The following UNC13C variants were observed in gnomAD, a reference collection of about 807,000 sequenced individuals.
UNC13C encodes the protein unc-13 homolog C.
In UNC13C, 174 loss-of-function variants were observed where a neutral mutation model predicts 245.4. The observed-to-expected ratio is 0.71, with a 90% confidence interval of 0.63 to 0.80. The LOEUF is 0.80. Among genes scored for constraint, UNC13C ranks in the 30% least tolerant of loss-of-function variants. The pLI is 0.00. For synonymous variants in UNC13C, 992 were observed against 895.1 expected (o/e 1.11, Z -1.93); for missense variants, 2,829 against 2,602.9 (o/e 1.09, Z -1.89).
the UNC13C span, among the ~76,000 whole-genome samples, chr15:53,875,725 T>C: frequency 6.6e-6 from 1 of 152,216 alleles, no homozygotes; most frequent in Admixed American, 6.5e-5. Flanking sequence ...AATATAATTC[T>C]GCAATAGTTT....
chr15:53,972,032 T>G, the UNC13C span, among the ~76,000 whole-genome samples: 1 of 152,224 alleles, frequency 6.6e-6, no homozygotes, highest in Non-Finnish European at 1.5e-5. Context: ...TTGTCTTGAC[T>G]TCCTTTTCCT....
chr15:54,039,588 G>C (rs774371632), intron 2 of UNC13C, among the ~76,000 whole-genome samples: 9 of 151,480 alleles, frequency 5.9e-5, no homozygotes. Context: ...TCAGTTCTTG[G>C]ACTCTTTTTT....
At chr15:54,367,449 T>G (rs2039389551) in intron 17 of UNC13C, among the ~76,000 whole-genome samples, 3 of 152,184 alleles carry the variant, frequency 2.0e-5, no homozygotes, top group Non-Finnish European at 4.4e-5. Flanking sequence ...GTTACTGTTA[T>G]TTTTTGCAAG....
intron 2 of UNC13C, among the ~76,000 whole-genome samples, chr15:54,075,162 G>C (rs959683719): frequency 2.6e-5 from 4 of 152,134 alleles, no homozygotes; most frequent in Non-Finnish European, 4.4e-5. Context: ...TTCAGTTGGT[G>C]CCAATGTAAT....
intron 4 of UNC13C, among the ~76,000 whole-genome samples, chr15:54,184,691 A>C (rs546586738): frequency 1.3e-5 from 2 of 152,244 alleles, no homozygotes; most frequent in East Asian, 3.9e-4. Flanking sequence ...GGTTGGTTCC[A>C]AGTCTTTGCT....
At chr15:53,889,802 T>G in the UNC13C span, among the ~76,000 whole-genome samples, 15 of 152,218 alleles carry the variant, frequency 9.9e-5, no homozygotes, top group Non-Finnish European at 1.9e-4. Context: ...CTGCATCTAT[T>G]GAGATAATCA....
At chr15:54,577,736 T>C (rs1381416068) in intron 30 of UNC13C, among the ~76,000 whole-genome samples, 1 of 152,162 alleles carries the variant, frequency 6.6e-6, no homozygotes, top group Admixed American at 6.5e-5. Context: ...TCCCTTGTCA[T>C]TTCCCTAGAG....
chr15:54,155,427 T>A (rs932506431), intron 4 of UNC13C, among the ~76,000 whole-genome samples: 1 of 152,174 alleles, frequency 6.6e-6, no homozygotes, highest in African/African-American at 2.4e-5. Flanking sequence ...ATTCAAGGAA[T>A]GTGGAAATGA....
chr15:54,196,824 C>A (rs1230614891), intron 4 of UNC13C, among the ~76,000 whole-genome samples: 1 of 152,082 alleles, frequency 6.6e-6, no homozygotes, highest in Non-Finnish European at 1.5e-5. Context: ...AATATCTTAA[C>A]CCGATGAACT....
At chr15:54,141,782 TTACAA>T (rs1415671905) in intron 2 of UNC13C, among the ~76,000 whole-genome samples, 1 of 152,106 alleles carries the variant, frequency 6.6e-6, no homozygotes, top group Admixed American at 6.6e-5. Flanking sequence ...TTTTATTACT[TTACAA>T]TACATTTTAC....
the UNC13C span, among the ~76,000 whole-genome samples, chr15:53,939,642 A>G: frequency 6.6e-6 from 1 of 152,176 alleles, no homozygotes; most frequent in Admixed American, 6.5e-5. Flanking sequence ...ATCCACCACA[A>G]TCAAGTTGGC....
At position 54,290,957 on chromosome 15, in the gene UNC13C, A is replaced by G. The variant is rs560614718; in HGVS notation, c.3819-2938A>G. 3.9e-5 allele frequency among the ~76,000 whole-genome samples: 6 copies of G among 152,150 alleles called. No individual in the cohort carries two copies. In the East Asian group the frequency reaches 1.2e-3, roughly 29 times the overall value. ...AAAAGGGACATCTTTCTGCATTTGC[A>G]ATGTATTGAGAGTTAAGTTTAAGAT... On this transcript the variant is annotated intron_variant, in intron 10 of 32. Coordinates refer to ENST00000260323, the MANE Select transcript of UNC13C (RefSeq NM_001080534.3).
At chr15:54,374,771 A>G (rs1360003738) in intron 17 of UNC13C, among the ~76,000 whole-genome samples, 1 of 152,204 alleles carries the variant, frequency 6.6e-6, no homozygotes, top group Non-Finnish European at 1.5e-5. Flanking sequence ...TCTGTGGAGC[A>G]TGCAGTCCTG....
intron 10 of UNC13C, among the ~76,000 whole-genome samples, chr15:54,275,164 G>A (rs532507408): frequency 6.6e-6 from 1 of 152,192 alleles, no homozygotes; most frequent in East Asian, 1.9e-4. Context: ...AAAGCAACAT[G>A]CAAGCATATC....
the UNC13C span, among the ~76,000 whole-genome samples, chr15:53,962,410 CATT>C: frequency 2.0e-5 from 3 of 152,042 alleles, no homozygotes; most frequent in South Asian, 2.1e-4. Flanking sequence ...TATTCACTCT[CATT>C]ATACGGTTAT....
chr15:54,202,018 C>A lies in UNC13C; in HGVS notation c.3072-33012C>A, dbSNP rs181934474. ...AATTGGTAGCTCTGCTATACACCAG[C>A]AATGAGCAAGCTGAGAATCAAATCA... is the stretch of plus-strand genomic sequence containing the variant. On this transcript the variant is annotated intron_variant, in intron 4 of 32. Transcript: ENST00000260323. Among the ~76,000 whole-genome samples the A allele has an allele frequency of 4.6e-5, 7 of 151,942 alleles. No homozygotes were observed. In the East Asian group the frequency reaches 1.4e-3, roughly 29 times the overall value.
intron 4 of UNC13C, among the ~76,000 whole-genome samples, chr15:54,162,133 G>T (rs1375734361): frequency 6.6e-6 from 1 of 152,162 alleles, no homozygotes; most frequent in African/African-American, 2.4e-5. Flanking sequence ...ATGTGCATGT[G>T]TGTACGTGGC....
At chr15:54,490,278 G>T (rs986815334) in intron 19 of UNC13C, among the ~76,000 whole-genome samples, 1 of 152,182 alleles carries the variant, frequency 6.6e-6, no homozygotes, top group Non-Finnish European at 1.5e-5. Context: ...TCTTTAGAAA[G>T]ATTTAGGTAT....
the UNC13C span, among the ~76,000 whole-genome samples, chr15:53,849,088 A>G: frequency 1.3e-5 from 2 of 151,568 alleles, no homozygotes; most frequent in African/African-American, 2.4e-5. Flanking sequence ...GTGAATTTAT[A>G]TATGTATTTT....
Sources: allele counts gnomAD v4.1 joint callset (sites outside exome capture counted in the v4.1 genomes callset), GRCh38; gene constraint gnomAD v4.1.1; transcripts MANE v1.5; gene names NCBI Gene and HGNC (gene_info 2026-07-23, HGNC 2026-07-21).